The following PHF8 variants were observed in gnomAD, a reference collection of about 807,000 sequenced individuals.
PHF8 encodes histone lysine demethylase PHF8.
A neutral mutation model predicts 74.4 loss-of-function variants in PHF8; 9 were observed. That is an observed-to-expected ratio of 0.12 (90% CI 0.07 to 0.21). PHF8 has a LOEUF of 0.21. Among genes scored for constraint, PHF8 ranks in the 10% least tolerant of loss-of-function variants. PHF8 has a pLI of 1.00. For missense variants in PHF8, 478 were observed against 816.6 expected, an observed-to-expected ratio of 0.59 and a Z score of 5.05; for synonymous variants, 311 against 316.6, an observed-to-expected ratio of 0.98 and a Z score of 0.19.
At chrX:54,046,582 C>A (rs868974960), upstream of PHF8, among the ~76,000 whole-genome samples, 108 of 88,602 alleles carry the variant, frequency 1.2e-3, no homozygotes, top group Middle Eastern at 5.5e-3. Flanking sequence ...GACTCCATCT[C>A]AAAAAAAAAA....
intron 14 of PHF8, among the ~76,000 whole-genome samples, chrX:53,989,821 G>C (rs2065631233): frequency 1.8e-5 from 2 of 112,024 alleles, no homozygotes; most frequent in African/African-American, 3.2e-5. Flanking sequence ...AGCTCATACA[G>C]AGCTTGATCC....
At chrX:54,040,788 T>C (rs1208993325) in intron 2 of PHF8, among the ~76,000 whole-genome samples, 1 of 111,806 alleles carries the variant, frequency 8.9e-6, no homozygotes, top group Non-Finnish European at 1.9e-5. Flanking sequence ...GACGAACCAC[T>C]GAAAGAAGAA....
In PHF8 at chrX:53,958,399, A is replaced by T. The variant is rs782334467; in HGVS notation, c.2539+4445T>A. On this transcript the variant is annotated intron_variant, in intron 19 of 21. Transcript: ENST00000338154. ...TAACAGCGTATAAAATACGTTTCCAACTGAGTTAAAAAAAAAAGGAGGGGG... is the reference window on the plus strand; with the variant it reads ...TAACAGCGTATAAAATACGTTTCCATCTGAGTTAAAAAAAAAAGGAGGGGG... Among the ~76,000 whole-genome samples, 6 of 108,355 alleles carry T rather than the reference A, an allele frequency of 5.5e-5. No individual in the cohort carries two copies. The South Asian group carries it at 2.5e-3, about 44-fold the overall frequency. The allele number at this position is 108,355 out of a possible 115,157, so 94.1% of individuals were successfully genotyped here. A position where few individuals can be genotyped will look rare whatever the true frequency, so the allele number is the denominator to read the frequency against.
At position 53,960,871 on chromosome X, in the gene PHF8, G is replaced by T. The variant is rs189619579; in HGVS notation, c.2539+1973C>A. ...AAAATGTTAACATTGGTTGCTTCTG[G>T]GTGGCGGACTCGTGGGTGGTTCCTT... On this transcript the variant is annotated intron_variant, in intron 19 of 21. Transcript: ENST00000338154. Among the ~76,000 whole-genome samples, 652 of 110,633 alleles carry T rather than the reference G, an allele frequency of 5.9e-3. 7 individuals carry two copies. The highest frequency in any genetic ancestry group is 0.032 in the South Asian group (80 of 2,485).
At chrX:54,047,506 A>AAGG (rs2066639650), upstream of PHF8, among the ~76,000 whole-genome samples, 1 of 111,987 alleles carries the variant, frequency 8.9e-6, no homozygotes, top group African/African-American at 3.3e-5. Context: ...TACCCCAGAT[A>AAGG]AGGCCCTGGC....
intron 2 of PHF8, among the ~76,000 whole-genome samples, chrX:54,037,839 G>C (rs2066489226): frequency 8.9e-6 from 1 of 112,527 alleles, no homozygotes; most frequent in South Asian, 3.6e-4. Flanking sequence ...ATAAACGATA[G>C]CTATAACCAT....
At chrX:53,942,347 C>T (rs372828282) in intron 20 of PHF8, among the ~76,000 whole-genome samples, 1 of 112,215 alleles carries the variant, frequency 8.9e-6, no homozygotes, top group East Asian at 2.8e-4. Flanking sequence ...AAAATGAAGT[C>T]TATGAGGAAA....
chrX:54,041,254 T>G (rs1557115777), intron 2 of PHF8, among the ~76,000 whole-genome samples: 1 of 108,455 alleles, frequency 9.2e-6, no homozygotes, highest in East Asian at 2.9e-4. Flanking sequence ...CGTGGTGGCG[T>G]GCACCTGTAA....
At chrX:53,958,553 G>A (rs782005301) in intron 19 of PHF8, among the ~76,000 whole-genome samples, 8 of 103,806 alleles carry the variant, frequency 7.7e-5, no homozygotes, top group African/African-American at 2.8e-4. Context: ...AGGCCGAGGC[G>A]GGCGGATCAC....
chrX:53,940,560 A>G, intron 20 of PHF8, 44 bp from the exon 21 acceptor site: 1 of 964,721 alleles, frequency 1.0e-6, no homozygotes, highest in African/African-American at 1.9e-5. Context: ...GGAGTGAAGA[A>G]GACAAGTTCC....
At chrX:54,012,154 T>A (rs1298950505) in intron 7 of PHF8, among the ~76,000 whole-genome samples, 1 of 110,927 alleles carries the variant, frequency 9.0e-6, no homozygotes, top group African/African-American at 3.3e-5. Flanking sequence ...AACTGAATTA[T>A]TAAGATATAA....
chrX:54,025,420 G>A (rs2066252232), intron 2 of PHF8, among the ~76,000 whole-genome samples: 1 of 109,260 alleles, frequency 9.2e-6, no homozygotes, highest in African/African-American at 3.3e-5. Flanking sequence ...TTGTGTAAGA[G>A]CTCCCACTCC....
intron 6 of PHF8, among the ~76,000 whole-genome samples, chrX:54,015,298 C>T (rs937315025): frequency 2.7e-5 from 3 of 111,163 alleles, no homozygotes; most frequent in Admixed American, 9.6e-5. Flanking sequence ...ACAACAGCGC[C>T]GGGCGCGGTG....
At chrX:54,036,102 CA>C (rs1159910510) in intron 2 of PHF8, among the ~76,000 whole-genome samples, 180 of 26,211 alleles carry the variant, frequency 6.9e-3, no homozygotes, top group African/African-American at 0.017. Context: ...AACTCCATCT[CA>C]AAAAAAAAAA....
chrX:54,032,970 C>G (rs1434216534), intron 2 of PHF8, among the ~76,000 whole-genome samples: 3 of 110,907 alleles, frequency 2.7e-5, no homozygotes, highest in African/African-American at 9.9e-5. Context: ...AGCTAAAAAC[C>G]CTGGACAATA....
chrX:53,978,705 G>A (rs2065427810), intron 18 of PHF8, among the ~76,000 whole-genome samples: 1 of 107,814 alleles, frequency 9.3e-6, no homozygotes, highest in African/African-American at 3.4e-5. Flanking sequence ...GGCTGAGGCA[G>A]GAGATTCACG....
chrX:54,004,880 C>T (rs1467814145), intron 8 of PHF8, among the ~76,000 whole-genome samples: 1 of 107,286 alleles, frequency 9.3e-6, no homozygotes, highest in Admixed American at 1.0e-4. Context: ...GTTGAGATCA[C>T]GCCACTGCAC....
At chrX:53,983,764 A>G (rs2065515115) in intron 18 of PHF8, among the ~76,000 whole-genome samples, 1 of 112,308 alleles carries the variant, frequency 8.9e-6, no homozygotes, top group Non-Finnish European at 1.9e-5. Context: ...ATGATTAAAC[A>G]TATGATATAT....
intron 2 of PHF8, among the ~76,000 whole-genome samples, chrX:54,033,151 G>A (rs782784624): frequency 3.3e-4 from 37 of 110,852 alleles, no homozygotes; most frequent in Non-Finnish European, 6.4e-4. Context: ...TTCTGCCACC[G>A]GAGCGCAGTG....
Sources: allele counts gnomAD v4.1 joint callset (sites outside exome capture counted in the v4.1 genomes callset), GRCh38; gene constraint gnomAD v4.1.1; transcripts MANE v1.5; gene names NCBI Gene and HGNC (gene_info 2026-07-23, HGNC 2026-07-21).